Variants in PIK3R1 observed in about 807,000 individuals in gnomAD.
The protein encoded by PIK3R1 is phosphoinositide-3-kinase regulatory subunit 1, also known as phosphatidylinositol 3-kinase regulatory subunit alpha.
A neutral mutation model predicts 98.0 loss-of-function variants in PIK3R1; 29 were observed. The observed-to-expected ratio is 0.30, with a 90% CI of 0.22 to 0.40. The LOEUF is 0.40. Among genes scored for constraint, PIK3R1 ranks in the 10% least tolerant of loss-of-function variants. The pLI is 1.00. For missense variants in PIK3R1, 596 were observed against 872.7 expected (o/e 0.68, Z 3.99); for synonymous variants, 282 against 311.8 (o/e 0.90, Z 1.01).
intron 4 of PIK3R1, 34 bp from the exon 5 acceptor site, chr5:68,279,568 A>G: frequency 1.3e-6 from 2 of 1,585,790 alleles, no homozygotes; most frequent in Middle Eastern, 1.7e-4. Flanking sequence ...TCTATAAAAT[A>G]AATGTCTGAA....
rs2111965156 is a variant in PIK3R1, at chr5:68,226,919, A to C, written c.244A>C (p.Ile82Leu). Residue 82 changes from isoleucine to leucine, a missense_variant, in exon 2 of 16, where the codon ATC becomes CTC. By Grantham distance (5) the Ile-to-Leu change is conservative. Coordinates refer to ENST00000521381, the MANE Select transcript of PIK3R1 (RefSeq NM_181523.3). ...TYVEYIGRKK[I>L]SPPTPKPRPP... ...CGTAGAATATATTGGAAGGAAAAAA[A>C]TCTCGCCTCCCACACCAAAGCCCCG... The C allele has an allele frequency of 6.2e-7, 1 of 1,614,110 alleles. No homozygotes were observed. The highest frequency in any genetic ancestry group is 8.5e-7 in the Non-Finnish European group (1 of 1,179,996).
In PIK3R1 at chr5:68,298,281, C is replaced by T. The variant is rs992458703; in HGVS notation, c.*680C>T. On this transcript the variant is annotated 3_prime_UTR_variant, in exon 16 of 16. Transcript: ENST00000521381. ...GAAAAATGGAGTTTGGAAAACAGGA[C>T]TTAAAATGACATTCAGTATATAAAA... The T allele has an allele frequency of 1.9e-4, 44 of 233,052 alleles. No individual in the cohort carries two copies. The highest frequency in any genetic ancestry group is 8.8e-4 in the African/African-American group (40 of 45,404). 14.4% of individuals were successfully genotyped at this position (233,052 alleles called of 1,614,324 possible).
chr5:68,233,800 A>G (rs1241876446), intron 2 of PIK3R1, among the ~76,000 whole-genome samples: 1 of 152,236 alleles, frequency 6.6e-6, no homozygotes, highest in African/African-American at 2.4e-5. Flanking sequence ...CCTTTGTTTA[A>G]TTATGTATGC....
chr5:68,280,858 T>C, intron 6 of PIK3R1, 69 bp from the exon 7 acceptor site: 1 of 1,253,892 alleles, frequency 8.0e-7, no homozygotes, highest in South Asian at 1.3e-5. Context: ...CACATTCACT[T>C]GAGTGTATAT....
At position 68,226,680 on chromosome 5, in the gene PIK3R1, G is replaced by A; in HGVS notation, c.5G>A (p.Ser2Asn). 1 of 1,612,352 alleles carries A rather than the reference G, an allele frequency of 6.2e-7. No homozygotes were observed. The highest frequency in any genetic ancestry group is 8.5e-7 in the Non-Finnish European group (1 of 1,178,874). Reference sequence around the variant, plus strand: ...CATGGTAGCAGATTTGCAAACATGAGTGCTGAGGGGTACCAGTACAGAGCG... The same window carrying A: ...CATGGTAGCAGATTTGCAAACATGAATGCTGAGGGGTACCAGTACAGAGCG... MSAEGYQYRALY... is the reference protein window; with the variant it reads MNAEGYQYRALY... Residue 2 changes from serine to asparagine, a missense_variant, in exon 2 of 16, where the codon AGT (serine) becomes AAT (asparagine). Physicochemically the swap from Ser to Asn is conservative, Grantham distance 46. Transcript: ENST00000521381.
intron 2 of PIK3R1, among the ~76,000 whole-genome samples, chr5:68,257,808 A>G (rs10063119): frequency 0.11 from 16,463 of 152,222 alleles, 1,139 homozygotes; most frequent in Admixed American, 0.16. Context: ...TCCCTTGCCT[A>G]TAATTCCCTG....
intron 2 of PIK3R1, among the ~76,000 whole-genome samples, chr5:68,229,179 A>G (rs1384793682): frequency 6.6e-6 from 1 of 152,068 alleles, no homozygotes; most frequent in African/African-American, 2.4e-5. Flanking sequence ...ATTTTCTAGA[A>G]GTGTTGGTCT....
At chr5:68,270,334 T>G (rs1746298480) in intron 2 of PIK3R1, among the ~76,000 whole-genome samples, 2 of 152,200 alleles carry the variant, frequency 1.3e-5, no homozygotes, top group South Asian at 4.1e-4. Flanking sequence ...CTGGAAATCC[T>G]TTTGTATGGA....
In PIK3R1 at chr5:68,295,307, G is replaced by A. The variant is rs149090706; in HGVS notation, c.1728G>A (p.Thr576=). The A allele has an allele frequency of 2.1e-4, 333 of 1,613,936 alleles. No individual in the cohort carries two copies. Among genetic ancestry groups the A allele is most frequent in the Non-Finnish European group, 2.7e-4 (318 of 1,179,942 alleles). The part of the protein sequence containing the change: ...IKPDLIQLRK[T]RDQYLMWLTQ... The stretch of plus-strand genomic sequence containing the variant: ...CAGACCTTATCCAGCTGAGAAAGAC[G>A]AGAGACCAATACTTGATGTAAGTAT... Residue 576 remains threonine (T), a synonymous_variant, in exon 13 of 16, where the codon ACG becomes ACA. Transcript: ENST00000521381.
intron 2 of PIK3R1, among the ~76,000 whole-genome samples, chr5:68,247,817 G>T (rs376247633): frequency 6.6e-6 from 1 of 152,112 alleles, no homozygotes; most frequent in Non-Finnish European, 1.5e-5. Flanking sequence ...ACAGGCCAGT[G>T]GTGACGTTGG....
At chr5:68,244,378 A>G (rs1324309527) in intron 2 of PIK3R1, among the ~76,000 whole-genome samples, 9 of 152,182 alleles carry the variant, frequency 5.9e-5, no homozygotes, top group Non-Finnish European at 2.9e-5. Context: ...ATTTATGGGT[A>G]TTTTAATTAG....
At chr5:68,288,765 A>G (rs1161174914) in intron 7 of PIK3R1, 2 of 1,612,214 alleles carry the variant, frequency 1.2e-6, no homozygotes, top group Admixed American at 1.7e-5. Context: ...AGTTGCCTTG[A>G]ATTTGTGCAC....
In PIK3R1 at chr5:68,298,571, T is replaced by TAA. The variant is rs36055833; in HGVS notation, c.*981_*982dup. On this transcript the variant is annotated 3_prime_UTR_variant, in exon 16 of 16. Transcript: ENST00000521381. The stretch of plus-strand genomic sequence containing the variant: ...TAAAAGTAAATGTACAGGATGCCAG[T>TAA]AAAAAAAAAAAATGGCTTCAGAATT... 3,975 of 221,134 alleles carry TAA rather than the reference T, an allele frequency of 0.018. 23 individuals carry two copies. The highest frequency in any genetic ancestry group is 0.025 in the Admixed American group (426 of 17,148). 13.7% of individuals were successfully genotyped at this position (221,134 alleles called of 1,614,324 possible). A position where few individuals can be genotyped will look rare whatever the true frequency, so the allele number is the denominator to read the frequency against.
chr5:68,263,167 A>G (rs1745964861), intron 2 of PIK3R1, among the ~76,000 whole-genome samples: 1 of 145,538 alleles, frequency 6.9e-6, no homozygotes, highest in Non-Finnish European at 1.5e-5. Context: ...ATATATCTAC[A>G]TATATATCTA....
chr5:68,284,831 A>T (rs1747015908), intron 7 of PIK3R1, among the ~76,000 whole-genome samples: 1 of 151,366 alleles, frequency 6.6e-6, no homozygotes, highest in East Asian at 1.9e-4. Context: ...CAACACATCT[A>T]ATACATCCAG....
chr5:68,228,387 A>G (rs919223697), intron 2 of PIK3R1, among the ~76,000 whole-genome samples: 2 of 152,170 alleles, frequency 1.3e-5, no homozygotes, highest in Non-Finnish European at 2.9e-5. Flanking sequence ...TCTTTCCCAT[A>G]CCCAGCCCAA....
At chr5:68,270,852 G>A (rs1746325951) in intron 2 of PIK3R1, among the ~76,000 whole-genome samples, 1 of 152,162 alleles carries the variant, frequency 6.6e-6, no homozygotes, top group Admixed American at 6.5e-5. Context: ...TTAAGGCAAA[G>A]GGAAGTGGTT....
In PIK3R1 at chr5:68,217,645, T is replaced by TGTGTGTGTGCGC. The variant is rs1554044224; in HGVS notation, c.-387+1698_-387+1709dup. 17 of 135,514 alleles carry TGTGTGTGTGCGC rather than the reference T, an allele frequency of 1.3e-4. No individual in the cohort carries two copies. The East Asian group carries it at 3.3e-3, about 27-fold the overall frequency. 8.4% of individuals were successfully genotyped at this position (135,514 alleles called of 1,614,324 possible). ...ATGTGTGGGGGTGTGTGTGTGTGTG[T>TGTGTGTGTGCGC]GTGTGTGTGCGCGCGCGTGCCTGCG... On this transcript the variant is annotated intron_variant, in intron 1 of 15. Transcript: ENST00000521381.
At chr5:68,293,624 A>G in intron 10 of PIK3R1, 85 bp from the exon 11 acceptor site, 1 of 1,181,684 alleles carries the variant, frequency 8.5e-7, no homozygotes, top group East Asian at 2.4e-5. Flanking sequence ...TGCAATTTTA[A>G]AGATGTTTCC....
Sources: gnomAD v4.1 joint callset for allele counts (sites outside exome capture counted in the v4.1 genomes callset) on GRCh38, gnomAD v4.1.1 for gene constraint, MANE v1.5 for transcripts, NCBI Gene and HGNC (gene_info 2026-07-23, HGNC 2026-07-21) for gene names.